The following TOX4 variants were observed in gnomAD, a reference collection of about 807,000 sequenced individuals.
TOX4 encodes the protein TOX high mobility group box family member 4, also known as epidermal Langerhans cell protein LCP1.
A neutral mutation model predicts 61.0 loss-of-function variants in TOX4; 12 were observed. That is an observed-to-expected ratio of 0.20 (90% CI 0.13 to 0.32). The LOEUF (loss-of-function observed/expected upper bound fraction) is 0.32. TOX4 is among the 10% of genes least tolerant of loss of function. The pLI is 1.00. For missense variants in TOX4, 499 were observed against 753.3 expected, an observed-to-expected ratio of 0.66 and a Z score of 3.95; for synonymous variants, 268 against 274.8, an observed-to-expected ratio of 0.98 and a Z score of 0.24.
chr14:21,485,603 C>A (rs1172806189), intron 2 of TOX4, among the ~76,000 whole-genome samples: 1 of 99,028 alleles, frequency 1.0e-5, no homozygotes, highest in Non-Finnish European at 2.2e-5. Flanking sequence ...CTGCCAGGTG[C>A]GGTGGCCCAT....
chr14:21,491,131 TTTTCTTTC>T (rs71419139), intron 5 of TOX4, among the ~76,000 whole-genome samples: 1 of 151,428 alleles, frequency 6.6e-6, no homozygotes, highest in Admixed American at 6.6e-5. Context: ...GGCCTATTTT[TTTTCTTTC>T]TTTTTCTTTT....
chr14:21,483,423 A>G (rs942361056), intron 2 of TOX4, among the ~76,000 whole-genome samples: 5 of 150,942 alleles, frequency 3.3e-5, no homozygotes, highest in African/African-American at 1.2e-4. Flanking sequence ...TTTGGTAAAA[A>G]TCTTTGTACC....
At chr14:21,493,996 G>A (rs1029155335) in intron 7 of TOX4, among the ~76,000 whole-genome samples, 2 of 152,026 alleles carry the variant, frequency 1.3e-5, no homozygotes, top group African/African-American at 4.8e-5. Flanking sequence ...TGATTCGCCC[G>A]CTTCGGCCTC....
chr14:21,488,807 C>G lies in TOX4; in HGVS notation c.536C>G (p.Pro179Arg). ...GATCGTCTTTCAACCACCCCTTCAC[C>G]TACTAGTTCACTTCACGAGGATGGT... is the stretch of plus-strand genomic sequence containing the variant. ...PEDRLSTTPS[P>R]TSSLHEDGVE... is the part of the protein sequence containing the mutation. Residue 179 changes from proline to arginine, a missense_variant, in exon 4 of 9, where the codon CCT becomes CGT. Coordinates refer to ENST00000448790, the MANE Select transcript of TOX4 (RefSeq NM_014828.4). The G allele has an allele frequency of 6.2e-7, 1 of 1,614,226 alleles. No homozygotes were observed. Among genetic ancestry groups the G allele is most frequent in the Non-Finnish European group, 8.5e-7 (1 of 1,180,042 alleles).
chr14:21,484,114 C>T (rs2139620643), intron 2 of TOX4, among the ~76,000 whole-genome samples: 1 of 152,202 alleles, frequency 6.6e-6, no homozygotes, highest in Middle Eastern at 3.4e-3. Flanking sequence ...CAGCTGAGAA[C>T]TGTGTGTTCT....
At chr14:21,489,472 TC>T in intron 5 of TOX4, 69 bp downstream of exon 5, 1 of 1,364,736 alleles carries the variant, frequency 7.3e-7, no homozygotes, top group Admixed American at 2.2e-5. Context: ...ATTGAGGTTT[TC>T]TTTTTTCTTA....
chr14:21,497,960 G>T lies in TOX4; in HGVS notation c.*1354G>T. 1 of 284,376 alleles carries T rather than the reference G, an allele frequency of 3.5e-6. No homozygotes were observed. Among genetic ancestry groups the T allele is most frequent in the South Asian group, 4.9e-5 (1 of 20,422 alleles). 17.6% of individuals were successfully genotyped at this position (284,376 alleles called of 1,614,324 possible). Reference sequence around the variant, plus strand: ...GGCTTCCCAAAGTGCTCGGATTACAGGTGTGAGCCACTGTGCCTAGCCTAT... The same window carrying T: ...GGCTTCCCAAAGTGCTCGGATTACATGTGTGAGCCACTGTGCCTAGCCTAT... On this transcript the variant is annotated 3_prime_UTR_variant, in exon 9 of 9. Coordinates refer to ENST00000448790, the MANE Select transcript of TOX4 (RefSeq NM_014828.4).
Position 21,477,555 on chromosome 14 carries a change from A to T in TOX4, c.66A>T (p.Ser22=). ...CAGGGCCTTCGCACCCCTTCCTGTC[A>T]GGGGCCGAGGTGAGCCAGAGCTGCC... The part of the protein sequence containing the change: ...TITGPSHPFL[S]GAETFHTPSL... Residue 22 remains serine (S), a synonymous_variant, in exon 2 of 9, where the codon TCA becomes TCT. Transcript: ENST00000448790. The T allele has an allele frequency of 6.2e-7, 1 of 1,613,660 alleles. No homozygotes were observed. The highest frequency in any genetic ancestry group is 1.1e-5 in the South Asian group (1 of 91,068).
chr14:21,487,433 C>G lies in TOX4; in HGVS notation c.76-18C>G. On this transcript the variant is annotated intron_variant, in intron 2 of 8. Coordinates refer to ENST00000448790, the MANE Select transcript of TOX4 (RefSeq NM_014828.4). ...CTCCTCTTTTCACTAATTCTTTTCC[C>G]CCTTTTTTCCCCTACAGACATTCCA... 1 of 1,609,882 alleles carries G rather than the reference C, an allele frequency of 6.2e-7. No individual in the cohort carries two copies. The highest frequency in any genetic ancestry group is 2.2e-5 in the East Asian group (1 of 44,804).
rs768496886 is a variant in TOX4 at position 21,496,621 on chromosome 14, C to T, written c.*15C>T. On this transcript the variant is annotated 3_prime_UTR_variant, in exon 9 of 9. Coordinates refer to ENST00000448790, the MANE Select transcript of TOX4 (RefSeq NM_014828.4). ...TTGTGAAATAGTCCTTCCTGTTCTC[C>T]AAGCCAGTGAAGAGTTATCTGCTGG... 6.2e-7 allele frequency: 1 copy of T among 1,605,896 alleles called. No homozygotes were observed. Among genetic ancestry groups the T allele is most frequent in the Non-Finnish European group, 8.5e-7 (1 of 1,175,546 alleles).
chr14:21,479,608 A>G (rs1030693811), intron 2 of TOX4, among the ~76,000 whole-genome samples: 4 of 152,332 alleles, frequency 2.6e-5, no homozygotes, highest in South Asian at 2.1e-4. Flanking sequence ...AGATTGCGCC[A>G]TTGTACTCCA....
rs1891228576 is a variant in TOX4, at chr14:21,488,538, A to G, written c.319-52A>G. 9.9e-6 allele frequency: 15 copies of G among 1,521,694 alleles called. No homozygotes were observed. In the East Asian group the frequency reaches 3.2e-4, roughly 33 times the overall value. The allele number at this position is 1,521,694 out of a possible 1,614,324, so 94.3% of individuals were successfully genotyped here. A position where few individuals can be genotyped will look rare whatever the true frequency, so the allele number is the denominator to read the frequency against. The stretch of plus-strand genomic sequence containing the variant: ...TAAGCTGTCTTAAATTTAGGGGGGA[A>G]AAGTGGTTTTTTTTATATTTAGTGT... On this transcript the variant is annotated intron_variant, in intron 3 of 8. Coordinates refer to ENST00000448790, the MANE Select transcript of TOX4 (RefSeq NM_014828.4).
At chr14:21,478,847 A>G (rs766686243) in intron 2 of TOX4, among the ~76,000 whole-genome samples, 3 of 151,006 alleles carry the variant, frequency 2.0e-5, no homozygotes, top group Admixed American at 6.6e-5. Flanking sequence ...CCTGTAGCCC[A>G]GGCTGGAGTG....
intron 7 of TOX4, among the ~76,000 whole-genome samples, chr14:21,494,666 C>T (rs868292096): frequency 1.2e-4 from 18 of 151,062 alleles, no homozygotes; most frequent in African/African-American, 3.9e-4. Context: ...AGGAGAATGG[C>T]GGGAACCCAG....
At position 21,487,573 on chromosome 14, in the gene TOX4, C is replaced by T. The variant is rs115542444; in HGVS notation, c.198C>T (p.Ser66=). ...VGHFDDLADP[S]SSQDGSFSAQ... is the part of the protein sequence containing the mutation. ...ACTTTGATGACCTGGCAGACCCTTC[C>T]TCTTCACAGGATGGCAGTTTTTCAG... Residue 66 remains serine (S), a synonymous_variant, in exon 3 of 9, where the codon TCC becomes TCT. Transcript: ENST00000448790. The T allele has an allele frequency of 6.2e-7, 1 of 1,614,176 alleles. No individual in the cohort carries two copies. The highest frequency in any genetic ancestry group is 8.5e-7 in the Non-Finnish European group (1 of 1,180,044).
Position 21,492,437 on chromosome 14 carries a change from T to C in TOX4, c.891+61T>C, listed in dbSNP as rs1891310900. The stretch of plus-strand genomic sequence containing the variant: ...GTAAGAAGTTTTTTGGAAGTGTTTG[T>C]TAGCAGTTTTAAGAAGTAAATACCA... On this transcript the variant is annotated intron_variant, in intron 6 of 8. Coordinates refer to ENST00000448790, the MANE Select transcript of TOX4 (RefSeq NM_014828.4). 8 of 1,611,054 alleles carry C rather than the reference T, an allele frequency of 5.0e-6. No homozygotes were observed. The East Asian group carries it at 1.8e-4, about 36-fold the overall frequency.
chr14:21,477,810 G>A (rs1891026945), intron 2 of TOX4, among the ~76,000 whole-genome samples: 1 of 152,184 alleles, frequency 6.6e-6, no homozygotes, highest in South Asian at 2.1e-4. Context: ...AAGGGATTCT[G>A]GATTAGAAGA....
chr14:21,483,487 T>C (rs1408211316), intron 2 of TOX4, among the ~76,000 whole-genome samples: 1 of 151,296 alleles, frequency 6.6e-6, no homozygotes, highest in Admixed American at 6.6e-5. Flanking sequence ...GAAAGAGTCA[T>C]GGACTGGAAG....
chr14:21,479,365 G>A (rs960835509), intron 2 of TOX4, among the ~76,000 whole-genome samples: 1 of 151,006 alleles, frequency 6.6e-6, no homozygotes, highest in Non-Finnish European at 1.5e-5. Flanking sequence ...AAAAAAACAG[G>A]TGAGGCGGGG....
Sources: allele counts gnomAD v4.1 joint callset (sites outside exome capture counted in the v4.1 genomes callset), GRCh38; gene constraint gnomAD v4.1.1; transcripts MANE v1.5; gene names NCBI Gene and HGNC (gene_info 2026-07-23, HGNC 2026-07-21).